Variants in PCDH15 observed in about 807,000 individuals in gnomAD.
The protein encoded by PCDH15 is protocadherin related 15.
PCDH15 carries 129 observed loss-of-function variants against 178.5 expected under a neutral mutation model. The observed-to-expected ratio is 0.72, with a 90% confidence interval of 0.63 to 0.84. The LOEUF (loss-of-function observed/expected upper bound fraction) is 0.84. Among genes scored for constraint, PCDH15 ranks in the 40% least tolerant of loss-of-function variants. The pLI is 0.00. For synonymous variants in PCDH15, 800 were observed against 732.0 expected, an observed-to-expected ratio of 1.09 and a Z score of -1.50; for missense variants, 2,230 against 2,099.9, an observed-to-expected ratio of 1.06 and a Z score of -1.21.
At chr10:54,689,858 A>G (rs2095084666) in intron 1 of PCDH15, among the ~76,000 whole-genome samples, 2 of 152,156 alleles carry the variant, frequency 1.3e-5, no homozygotes, top group African/African-American at 4.8e-5. Context: ...AAATAATTCT[A>G]TTGGATGGGA....
intron 3 of PCDH15, among the ~76,000 whole-genome samples, chr10:54,819,519 ACTTTT>A (rs1332774853): frequency 6.6e-6 from 1 of 151,954 alleles, no homozygotes; most frequent in Non-Finnish European, 1.5e-5. Flanking sequence ...GATTTTGACA[ACTTTT>A]CTTATTGATA....
At chr10:54,504,217 T>C (rs2080972334) in intron 3 of PCDH15, among the ~76,000 whole-genome samples, 1 of 152,122 alleles carries the variant, frequency 6.6e-6, no homozygotes, top group South Asian at 2.1e-4. Context: ...CTCCAGCAAG[T>C]GAAATAAATG....
chr10:54,043,037 G>A (rs548281667), intron 18 of PCDH15, among the ~76,000 whole-genome samples: 1 of 152,206 alleles, frequency 6.6e-6, no homozygotes, highest in Non-Finnish European at 1.5e-5. Context: ...CATGCTTACT[G>A]TACAGGAGTT....
At chr10:53,855,582 A>G (rs1344313939) in intron 28 of PCDH15, among the ~76,000 whole-genome samples, 1 of 152,048 alleles carries the variant, frequency 6.6e-6, no homozygotes, top group Non-Finnish European at 1.5e-5. Flanking sequence ...AAAATCACAT[A>G]TGCTTTAATC....
chr10:55,139,772 T>G (rs1288792099), intron 2 of PCDH15, among the ~76,000 whole-genome samples: 1 of 151,974 alleles, frequency 6.6e-6, no homozygotes, highest in Non-Finnish European at 1.5e-5. Flanking sequence ...ATATTTTCTT[T>G]GCTTCTATAA....
intron 1 of PCDH15, among the ~76,000 whole-genome samples, chr10:55,208,253 A>C (rs563205182): frequency 1.9e-4 from 29 of 152,252 alleles, no homozygotes; most frequent in African/African-American, 6.5e-4. Flanking sequence ...AGATATTTCC[A>C]TACAAGTGTT....
chr10:54,230,395 A>G (rs1274716206), intron 9 of PCDH15, among the ~76,000 whole-genome samples: 3 of 152,168 alleles, frequency 2.0e-5, no homozygotes, highest in Non-Finnish European at 4.4e-5. Context: ...AAAAAAGGAA[A>G]CAGAAAAATA....
At chr10:55,362,155 A>G (rs1364856204) in intron 2 of PCDH15, among the ~76,000 whole-genome samples, 1 of 152,154 alleles carries the variant, frequency 6.6e-6, no homozygotes, top group Non-Finnish European at 1.5e-5. Context: ...TAACTTACTT[A>G]ATAAAAGAGA....
chr10:55,518,512 T>G (rs1186179516), intron 2 of PCDH15, among the ~76,000 whole-genome samples: 1 of 151,838 alleles, frequency 6.6e-6, no homozygotes, highest in African/African-American at 2.4e-5. Context: ...AAAACACAGA[T>G]AAGACAGCTG....
rs2060240212 is a variant in PCDH15, at chr10:54,303,065, C to T, written c.876+14206G>A. Among the ~76,000 whole-genome samples the T allele has an allele frequency of 2.0e-5, 3 of 152,104 alleles. No individual in the cohort carries two copies. In the South Asian group the frequency reaches 6.2e-4, roughly 32 times the overall value. ...AACTTTATTGAATAATGAGTCACTT[C>T]TATGTGTAATTTCCACTGCTAGTAT... On this transcript the variant is annotated intron_variant, in intron 8 of 37. Coordinates refer to ENST00000644397, the MANE Select transcript of PCDH15 (RefSeq NM_001384140.1).
intron 2 of PCDH15, among the ~76,000 whole-genome samples, chr10:55,165,019 T>C (rs941057113): frequency 2.6e-5 from 4 of 152,118 alleles, no homozygotes; most frequent in African/African-American, 7.2e-5. Flanking sequence ...TGAAAACATA[T>C]GAACCTATAT....
chr10:54,626,551 G>GC (rs752920273), intron 2 of PCDH15, among the ~76,000 whole-genome samples: 5 of 152,226 alleles, frequency 3.3e-5, no homozygotes, highest in African/African-American at 4.8e-5. Flanking sequence ...TGTTGAGCCT[G>GC]CAAGTGTACA....
At chr10:55,472,317 A>C (rs1394658475) in intron 2 of PCDH15, among the ~76,000 whole-genome samples, 1 of 152,164 alleles carries the variant, frequency 6.6e-6, no homozygotes, top group African/African-American at 2.4e-5. Flanking sequence ...TTTCAACTTA[A>C]TCAGGAACAT....
intron 3 of PCDH15, among the ~76,000 whole-genome samples, chr10:54,879,175 G>A (rs1157478736): frequency 2.8e-5 from 3 of 105,390 alleles, no homozygotes; most frequent in East Asian, 2.9e-4. Context: ...AGCAGACCAC[G>A]TGCTGTTTGT....
At chr10:54,135,649 T>C (rs375170834) in intron 14 of PCDH15, among the ~76,000 whole-genome samples, 13 of 152,340 alleles carry the variant, frequency 8.5e-5, no homozygotes, top group South Asian at 4.1e-4. Context: ...TGATCAAGTT[T>C]TTAAAACATT....
chr10:53,925,487 G>A (rs1021368343), intron 25 of PCDH15, among the ~76,000 whole-genome samples: 6 of 152,120 alleles, frequency 3.9e-5, no homozygotes, highest in South Asian at 2.1e-4. Context: ...GAGGGTCCGC[G>A]GCTTCATTCT....
intron 2 of PCDH15, among the ~76,000 whole-genome samples, chr10:55,025,084 C>A (rs981043317): frequency 6.6e-6 from 1 of 152,134 alleles, no homozygotes; most frequent in Non-Finnish European, 1.5e-5. Flanking sequence ...ATCTCTAATA[C>A]CTTTTAATGT....
rs191227804 is a variant in PCDH15, at chr10:54,775,043, T to C, written c.-29+25882A>G. Among the ~76,000 whole-genome samples the C allele has an allele frequency of 1.4e-4, 22 of 152,320 alleles. No individual in the cohort carries two copies. In the East Asian group the frequency reaches 4.0e-3, roughly 28 times the overall value. ...TTTTATATCAATGTATTATTAAACT[T>C]GATTGCACTTATGCAGGACATATTA... On this transcript the variant is annotated intron_variant, in intron 1 of 37. Transcript: ENST00000644397.
chr10:54,134,761 A>G (rs532329975), intron 14 of PCDH15, among the ~76,000 whole-genome samples: 2,000 of 136,794 alleles, frequency 0.015, 19 homozygotes, highest in Non-Finnish European at 0.023. Context: ...TCAAAAAAAG[A>G]AAAAAAAAAA....
Sources: allele counts gnomAD v4.1 joint callset (sites outside exome capture counted in the v4.1 genomes callset), GRCh38; gene constraint gnomAD v4.1.1; transcripts MANE v1.5; gene names NCBI Gene and HGNC (gene_info 2026-07-23, HGNC 2026-07-21).